Variants in LMO2 observed in about 807,000 individuals in gnomAD.
The protein encoded by LMO2 is rhombotin-2.
A neutral mutation model predicts 23.2 loss-of-function variants in LMO2; 20 were observed. The observed-to-expected ratio is 0.86, with a 90% CI of 0.61 to 1.25. The LOEUF (loss-of-function observed/expected upper bound fraction) is 1.25. Ranked by LOEUF, LMO2 falls within the 50% of genes most tolerant of loss-of-function variation. The probability of loss-of-function intolerance (pLI) is 0.00; values close to 1 mark genes in which losing one functional copy is unlikely to be tolerated. For missense variants in LMO2, 270 were observed against 315.3 expected (o/e 0.86, Z 1.09); for synonymous variants, 123 against 130.2 (o/e 0.94, Z 0.38).
intron 4 of LMO2, among the ~76,000 whole-genome samples, chr11:33,868,975 G>A (rs1565027456): frequency 6.6e-6 from 1 of 152,218 alleles, no homozygotes; most frequent in Non-Finnish European, 1.5e-5. Flanking sequence ...AGAAGGAGAG[G>A]GAAGAAGGGA....
At chr11:33,890,595 G>A in intron 1 of LMO2, among the ~76,000 whole-genome samples, 1 of 152,200 alleles carries the variant, frequency 6.6e-6, no homozygotes, top group African/African-American at 2.4e-5. Context: ...CAGGCGATCT[G>A]CCTGCCTTGG....
rs1857291158 is a variant in LMO2 at position 33,881,884 on chromosome 11, G to C, written c.-332C>G. 1 of 157,034 alleles carries C rather than the reference G, an allele frequency of 6.4e-6. No individual in the cohort carries two copies. Among genetic ancestry groups the C allele is most frequent in the South Asian group, 1.9e-4 (1 of 5,364 alleles). 9.7% of individuals were successfully genotyped at this position (157,034 alleles called of 1,614,324 possible). On this transcript the variant is annotated 5_prime_UTR_variant, in exon 2 of 6. Coordinates refer to ENST00000257818, the MANE Select transcript of LMO2 (RefSeq NM_005574.4). ...AAAATATCTTCTTTTCAGAGCAGTT[G>C]TTACTGAAAGAAAATGAGAGGAACC...
intron 4 of LMO2, among the ~76,000 whole-genome samples, chr11:33,866,596 A>C (rs114465489): frequency 0.043 from 6,567 of 152,294 alleles, 191 homozygotes; most frequent in African/African-American, 0.069. Context: ...TGCACTCTAG[A>C]CTAGACAACA....
intron 1 of LMO2, among the ~76,000 whole-genome samples, chr11:33,887,540 AT>A (rs3072488): frequency 0.01 from 1,368 of 132,904 alleles, 10 homozygotes; most frequent in African/African-American, 0.033. Flanking sequence ...AGGAATGTGG[AT>A]TTTTTTTTTT....
At chr11:33,863,497 C>G (rs1393281424) in intron 5 of LMO2, among the ~76,000 whole-genome samples, 1 of 152,190 alleles carries the variant, frequency 6.6e-6, no homozygotes, top group Non-Finnish European at 1.5e-5. Context: ...GCGCTGAGGT[C>G]TCAACAAGCT....
chr11:33,887,902 C>A (rs924200856), intron 1 of LMO2, among the ~76,000 whole-genome samples: 1 of 151,940 alleles, frequency 6.6e-6, no homozygotes, highest in Non-Finnish European at 1.5e-5. Flanking sequence ...AGCCACTAGT[C>A]CATGGAAGAC....
chr11:33,890,049 GAC>G (rs1857506497), intron 1 of LMO2, among the ~76,000 whole-genome samples: 1 of 152,156 alleles, frequency 6.6e-6, no homozygotes, highest in African/African-American at 2.4e-5. Flanking sequence ...GACACTGAAA[GAC>G]AAATATCACA....
chr11:33,884,918 A>G (rs534568597), intron 1 of LMO2, among the ~76,000 whole-genome samples: 1 of 152,228 alleles, frequency 6.6e-6, no homozygotes, highest in African/African-American at 2.4e-5. Flanking sequence ...TTTTTGTGTT[A>G]CGTGGGCTGA....
At chr11:33,882,740 G>C (rs4756076) in intron 1 of LMO2, among the ~76,000 whole-genome samples, 1 of 152,104 alleles carries the variant, frequency 6.6e-6, no homozygotes, top group Non-Finnish European at 1.5e-5. Flanking sequence ...ATCCTGATAA[G>C]AAACCTCCTG....
chr11:33,870,079 T>A, intron 2 of LMO2, 92 bp from the exon 3 acceptor site: 1 of 461,138 alleles, frequency 2.2e-6, no homozygotes, highest in Non-Finnish European at 2.9e-6. Flanking sequence ...CCTTTTTTTT[T>A]TTTTTTTTTT....
chr11:33,861,531 G>T (rs1023955237), intron 5 of LMO2, among the ~76,000 whole-genome samples: 9 of 152,180 alleles, frequency 5.9e-5, no homozygotes, highest in African/African-American at 1.9e-4. Context: ...ACTCATTACT[G>T]GGGGGAGAAC....
rs1856729696 is a variant in LMO2 at position 33,864,980 on chromosome 11, C to T, written c.249-163G>A. The T allele has an allele frequency of 1.5e-6, 1 of 680,628 alleles. No individual in the cohort carries two copies. The highest frequency in any genetic ancestry group is 1.8e-5 in the African/African-American group (1 of 56,958). 42.2% of individuals were successfully genotyped at this position (680,628 alleles called of 1,614,324 possible). A position where few individuals can be genotyped will look rare whatever the true frequency, so the allele number is the denominator to read the frequency against. On this transcript the variant is annotated intron_variant, in intron 4 of 5. Transcript: ENST00000257818. The surrounding 1 kb of genome is among the most constrained non-coding windows in gnomAD (Gnocchi z 4.8). Reference sequence around the variant, plus strand: ...CATCCCTTGGCCAGACTGCAGAGTCCCAACCAACCTTGGGTTAAGACGGGA... The same window carrying T: ...CATCCCTTGGCCAGACTGCAGAGTCTCAACCAACCTTGGGTTAAGACGGGA...
chr11:33,864,960 C>G lies in LMO2; in HGVS notation c.249-143G>C, dbSNP rs1342060922. The stretch of plus-strand genomic sequence containing the variant: ...GGAGAAGGGACAGGACAACACATCC[C>G]TTGGCCAGACTGCAGAGTCCCAACC... On this transcript the variant is annotated intron_variant, in intron 4 of 5. Coordinates refer to ENST00000257818, the MANE Select transcript of LMO2 (RefSeq NM_005574.4). The surrounding 1 kb of genome is among the most constrained non-coding windows in gnomAD (Gnocchi z 4.8). 1.4e-6 allele frequency: 1 copy of G among 740,464 alleles called. No individual in the cohort carries two copies. The highest frequency in any genetic ancestry group is 2.3e-6 in the Non-Finnish European group (1 of 426,918). 45.9% of individuals were successfully genotyped at this position (740,464 alleles called of 1,614,324 possible). A position where few individuals can be genotyped will look rare whatever the true frequency, so the allele number is the denominator to read the frequency against.
chr11:33,876,029 A>C (rs1183170204), intron 2 of LMO2, among the ~76,000 whole-genome samples: 1 of 152,084 alleles, frequency 6.6e-6, no homozygotes, highest in East Asian at 1.9e-4. Context: ...CTGGTTCTTA[A>C]AACAAACCAA....
chr11:33,865,291 T>G (rs1213493001), intron 4 of LMO2: 1 of 206,416 alleles, frequency 4.8e-6, no homozygotes, highest in African/African-American at 2.3e-5. Context: ...TGACCCAGAG[T>G]GCTAAGAATC....
chr11:33,889,133 T>C, intron 1 of LMO2, among the ~76,000 whole-genome samples: 1 of 152,300 alleles, frequency 6.6e-6, no homozygotes, highest in African/African-American at 2.4e-5. Flanking sequence ...GACAAGGTCA[T>C]TTGGAGCTCT....
chr11:33,871,753 C>G (rs1054347082), intron 2 of LMO2, among the ~76,000 whole-genome samples: 1 of 151,950 alleles, frequency 6.6e-6, no homozygotes, highest in South Asian at 2.1e-4. Context: ...AACAGTTTAC[C>G]TACTTATAAC....
chr11:33,876,073 CT>C (rs1857131590), intron 2 of LMO2, among the ~76,000 whole-genome samples: 1 of 152,170 alleles, frequency 6.6e-6, no homozygotes, highest in Non-Finnish European at 1.5e-5. Context: ...TGCACTTGCC[CT>C]TTTCTCTGCT....
chr11:33,885,116 G>A (rs78125634), intron 1 of LMO2, among the ~76,000 whole-genome samples: 1 of 152,178 alleles, frequency 6.6e-6, no homozygotes, highest in Non-Finnish European at 1.5e-5. Context: ...TCAGAAAAAT[G>A]TGAAGGGGGT....
Sources: allele counts gnomAD v4.1 joint callset (sites outside exome capture counted in the v4.1 genomes callset), GRCh38; gene constraint gnomAD v4.1.1; non-coding constraint Gnocchi (gnomAD v3.1); transcripts MANE v1.5; gene names NCBI Gene and HGNC (gene_info 2026-07-23, HGNC 2026-07-21).